The following ELMO1 variants were observed in gnomAD, a reference collection of about 807,000 sequenced individuals.
ELMO1 encodes the protein engulfment and cell motility protein 1.
In ELMO1, 26 loss-of-function variants were observed where a neutral mutation model predicts 98.9. The ratio of observed to expected loss-of-function variants is 0.26; its 90% confidence interval spans 0.19 to 0.36. The LOEUF (loss-of-function observed/expected upper bound fraction) is 0.36, where lower values mean the gene tolerates loss of function less well. Ranked by LOEUF, ELMO1 falls within the 10% of genes least tolerant of loss-of-function variation. The pLI, the probability that ELMO1 is intolerant of heterozygous loss-of-function variation, is 1.00. For missense variants in ELMO1, 627 were observed against 935.2 expected, an observed-to-expected ratio of 0.67 and a Z score of 4.30; for synonymous variants, 346 against 346.0, an observed-to-expected ratio of 1.00 and a Z score of 0.00.
intron 16 of ELMO1, among the ~76,000 whole-genome samples, chr7:36,929,583 T>C (rs1785862007): frequency 6.6e-6 from 1 of 152,220 alleles, no homozygotes; most frequent in Non-Finnish European, 1.5e-5. Context: ...GCTCAGTGTT[T>C]AGTGTGGCCC....
intron 13 of ELMO1, among the ~76,000 whole-genome samples, chr7:37,167,609 G>T (rs1198845767): frequency 1.3e-5 from 2 of 151,448 alleles, no homozygotes; most frequent in East Asian, 1.9e-4. Context: ...GCTTAGTTTG[G>T]CTGGATATGA....
intron 4 of ELMO1, among the ~76,000 whole-genome samples, chr7:37,293,889 T>G (rs1388806559): frequency 6.6e-6 from 1 of 151,748 alleles, no homozygotes; most frequent in Non-Finnish European, 1.5e-5. Context: ...AAATAACTTC[T>G]GTAGTCTATA....
At chr7:37,376,958 C>G (rs1339896755) in intron 1 of ELMO1, among the ~76,000 whole-genome samples, 1 of 152,174 alleles carries the variant, frequency 6.6e-6, no homozygotes, top group African/African-American at 2.4e-5. Context: ...TGCTCCTGGA[C>G]TTTCAATGGA....
intron 10 of ELMO1, among the ~76,000 whole-genome samples, chr7:37,218,206 GA>G (rs1584825435): frequency 1.3e-5 from 2 of 151,690 alleles, no homozygotes; most frequent in East Asian, 1.9e-4. Flanking sequence ...AATAAAGACG[GA>G]AAAAAATATT....
intron 16 of ELMO1, chr7:36,985,049 G>A (rs914353118): frequency 4.1e-6 from 4 of 985,198 alleles, no homozygotes; most frequent in African/African-American, 3.5e-5. Flanking sequence ...CGTTCCCCAC[G>A]CTGCCCCTCC....
At chr7:37,428,950 G>T (rs1342674952) in intron 1 of ELMO1, among the ~76,000 whole-genome samples, 4 of 152,216 alleles carry the variant, frequency 2.6e-5, no homozygotes, top group African/African-American at 9.6e-5. Flanking sequence ...GAATAACTAG[G>T]AAATCAACTT....
chr7:37,279,077 C>T (rs1210497462), intron 4 of ELMO1, among the ~76,000 whole-genome samples: 1 of 152,154 alleles, frequency 6.6e-6, no homozygotes, highest in African/African-American at 2.4e-5. Context: ...TGGCGGGCGC[C>T]TGTAATCCCA....
At chr7:37,183,523 C>T (rs1250910172) in intron 13 of ELMO1, among the ~76,000 whole-genome samples, 1 of 150,328 alleles carries the variant, frequency 6.7e-6, no homozygotes, top group Non-Finnish European at 1.5e-5. Context: ...TAAGAAAGGC[C>T]TAGAAAAGCT....
At chr7:37,165,285 G>A (rs1789584185) in intron 13 of ELMO1, among the ~76,000 whole-genome samples, 1 of 151,960 alleles carries the variant, frequency 6.6e-6, no homozygotes, top group Admixed American at 6.6e-5. Flanking sequence ...TCTGCAAACA[G>A]GGACAATTTG....
intron 18 of ELMO1, among the ~76,000 whole-genome samples, chr7:36,882,442 T>C (rs1804550777): frequency 6.6e-6 from 1 of 152,228 alleles, no homozygotes. Flanking sequence ...GAAACAACTA[T>C]TGATACAGAG....
chr7:37,343,302 T>C, intron 1 of ELMO1: 1 of 151,290 alleles, frequency 6.6e-6, no homozygotes, highest in Non-Finnish European at 1.5e-5. Flanking sequence ...ACACCCATAC[T>C]CCCTCCCCAA....
chr7:37,124,447 C>A lies in ELMO1; in HGVS notation c.1191+8683G>T, dbSNP rs558379773. Among the ~76,000 whole-genome samples, 154 of 152,278 alleles carry A rather than the reference C, an allele frequency of 1.0e-3. 1 individual carries two copies. Among genetic ancestry groups the A allele is most frequent in the African/African-American group, 3.5e-3 (146 of 41,544 alleles). On this transcript the variant is annotated intron_variant, in intron 14 of 21. Coordinates refer to ENST00000310758, the MANE Select transcript of ELMO1 (RefSeq NM_014800.11). ...GCAACTTCAGCAAAGTCTCAGGATA[C>A]AAAATCAATGTGCAAAAATCACAAG...
In ELMO1 at chr7:37,437,974, C is replaced by T. The variant is rs1192195583; in HGVS notation, c.-74+10701G>A. ...CGGCCTGGGCGACAGAGCGAGACTC[C>T]GTCTCAAAAAAAAAAAAAAAAAAAA... On this transcript the variant is annotated intron_variant, in intron 1 of 21. Coordinates refer to ENST00000310758, the MANE Select transcript of ELMO1 (RefSeq NM_014800.11). Among the ~76,000 whole-genome samples, 2 of 3,922 alleles carry T rather than the reference C, an allele frequency of 5.1e-4. 1 individual carries two copies. The highest frequency in any genetic ancestry group is 1.0e-3 in the Non-Finnish European group (2 of 1,966). The allele number at this position is 3,922 out of a possible 152,430, so 2.6% of individuals were successfully genotyped here.
At chr7:37,264,000 T>C (rs1562565064) in intron 5 of ELMO1, among the ~76,000 whole-genome samples, 1 of 152,146 alleles carries the variant, frequency 6.6e-6, no homozygotes. Flanking sequence ...AATAGGACAA[T>C]GGTGAAATAG....
chr7:37,264,532 A>G (rs546901873), intron 5 of ELMO1, among the ~76,000 whole-genome samples: 2 of 152,272 alleles, frequency 1.3e-5, no homozygotes, highest in South Asian at 4.1e-4. Flanking sequence ...AACATTATTA[A>G]AAAAATAAGA....
chr7:37,043,396 G>A (rs922630908), intron 15 of ELMO1, among the ~76,000 whole-genome samples: 1 of 152,166 alleles, frequency 6.6e-6, no homozygotes, highest in Non-Finnish European at 1.5e-5. Context: ...TTAAGAATTA[G>A]TGGTGCCCCA....
At chr7:37,425,020 A>G (rs1804643608) in intron 1 of ELMO1, among the ~76,000 whole-genome samples, 1 of 152,180 alleles carries the variant, frequency 6.6e-6, no homozygotes, top group Admixed American at 6.5e-5. Flanking sequence ...GAAAAAGGCA[A>G]GCCCTCTGCC....
intron 4 of ELMO1, among the ~76,000 whole-genome samples, chr7:37,281,305 A>C (rs1394966000): frequency 6.6e-6 from 1 of 152,094 alleles, no homozygotes; most frequent in African/African-American, 2.4e-5. Context: ...TGATGTGTAC[A>C]CCAAAATCTC....
intron 8 of ELMO1, among the ~76,000 whole-genome samples, chr7:37,228,116 GGTTT>G (rs1442041717): frequency 6.6e-6 from 1 of 152,114 alleles, no homozygotes; most frequent in African/African-American, 2.4e-5. Flanking sequence ...ATTTGTCACT[GGTTT>G]TAGCCAGATA....
Sources: gnomAD v4.1 joint callset for allele counts (sites outside exome capture counted in the v4.1 genomes callset) on GRCh38, gnomAD v4.1.1 for gene constraint, MANE v1.5 for transcripts, NCBI Gene and HGNC (gene_info 2026-07-23, HGNC 2026-07-21) for gene names.